Variants in CDH20 observed in about 807,000 individuals in gnomAD.
CDH20 encodes cadherin-20.
In CDH20, 29 loss-of-function variants were observed where a neutral mutation model predicts 74.2. The ratio of observed to expected loss-of-function variants is 0.39; its 90% CI spans 0.29 to 0.53. The LOEUF (loss-of-function observed/expected upper bound fraction) is 0.53, where lower values mean the gene tolerates loss of function less well. Among genes scored for constraint, CDH20 ranks in the 20% least tolerant of loss-of-function variants. CDH20 has a pLI of 0.69. For synonymous variants in CDH20, 469 were observed against 405.4 expected (o/e 1.16, Z -1.88); for missense variants, 988 against 1,048.3 (o/e 0.94, Z 0.79).
chr18:61,398,762 G>A (rs1188560580), intron 1 of CDH20, among the ~76,000 whole-genome samples: 1 of 152,108 alleles, frequency 6.6e-6, no homozygotes, highest in African/African-American at 2.4e-5. Context: ...AGGAATCAAT[G>A]GCATTGTCAG....
At chr18:61,449,793 T>A (rs1909320540) in intron 1 of CDH20, among the ~76,000 whole-genome samples, 1 of 151,862 alleles carries the variant, frequency 6.6e-6, no homozygotes, top group African/African-American at 2.4e-5. Context: ...CACACATACA[T>A]ATGCACACTG....
chr18:61,400,854 C>T (rs1351501475), intron 1 of CDH20, among the ~76,000 whole-genome samples: 3 of 152,082 alleles, frequency 2.0e-5, no homozygotes, highest in African/African-American at 4.8e-5. Flanking sequence ...CAATAGTATT[C>T]GATATAAACT....
chr18:61,555,461 C>T lies in CDH20; in HGVS notation c.*766C>T. ...TCAGAATGAAACCAGAAAAATCTGC[C>T]TCTTTTGCACTGTAGATGTCTCTTC... On this transcript the variant is annotated 3_prime_UTR_variant, in exon 12 of 12. Transcript: ENST00000262717. 5 of 985,366 alleles carry T rather than the reference C, an allele frequency of 5.1e-6. No individual in the cohort carries two copies. Among genetic ancestry groups the T allele is most frequent in the Non-Finnish European group, 6.0e-6 (5 of 829,910 alleles). The allele number at this position is 985,366 out of a possible 1,614,324, so 61.0% of individuals were successfully genotyped here.
In CDH20 at chr18:61,549,967, CCTT is replaced by C. The variant is rs1568187017; in HGVS notation, c.1649-7_1649-5del. 2 of 1,605,510 alleles carry C rather than the reference CCTT, an allele frequency of 1.2e-6. No individual in the cohort carries two copies. The highest frequency in any genetic ancestry group is 1.3e-5 in the African/African-American group (1 of 74,800). The stretch of plus-strand genomic sequence containing the variant: ...TCCCTTTTCCAATCCTGGAACCCCT[CCTT>C]CTTTCAGATAACACAGCACGGATTC... On this transcript the variant is annotated splice_polypyrimidine_tract_variant and splice_region_variant and intron_variant, in intron 10 of 11. Coordinates refer to ENST00000262717, the MANE Select transcript of CDH20 (RefSeq NM_031891.4).
intron 1 of CDH20, among the ~76,000 whole-genome samples, chr18:61,465,302 C>G (rs1909923045): frequency 6.6e-6 from 1 of 152,158 alleles, no homozygotes; most frequent in Non-Finnish European, 1.5e-5. Context: ...TCTATTAACT[C>G]TAGTCATTCT....
intron 1 of CDH20, among the ~76,000 whole-genome samples, chr18:61,381,243 T>C (rs562426376): frequency 1.4e-4 from 21 of 152,186 alleles, no homozygotes; most frequent in Non-Finnish European, 1.2e-4. Flanking sequence ...CTGAAACTTG[T>C]AATTATAAGT....
chr18:61,441,949 T>C (rs1169219130), intron 1 of CDH20, among the ~76,000 whole-genome samples: 2 of 152,128 alleles, frequency 1.3e-5, no homozygotes, highest in Non-Finnish European at 2.9e-5. Context: ...CAGTTGGCTT[T>C]AGATTGAGGA....
intron 1 of CDH20, among the ~76,000 whole-genome samples, chr18:61,410,674 T>C (rs903508800): frequency 6.6e-6 from 1 of 152,248 alleles, no homozygotes; most frequent in Non-Finnish European, 1.5e-5. Context: ...GGAAAATAAA[T>C]GGTTTAAAAA....
intron 9 of CDH20, among the ~76,000 whole-genome samples, chr18:61,542,452 G>A (rs751519749): frequency 6.6e-6 from 1 of 152,220 alleles, no homozygotes; most frequent in African/African-American, 2.4e-5. Flanking sequence ...AAGGAAGCAG[G>A]ACTGGGCAAA....
At chr18:61,389,095 C>G (rs1301867443) in intron 1 of CDH20, among the ~76,000 whole-genome samples, 1 of 152,150 alleles carries the variant, frequency 6.6e-6, no homozygotes, top group African/African-American at 2.4e-5. Flanking sequence ...CTCAAGGACA[C>G]TGCTGCAGGA....
chr18:61,444,268 G>A (rs928574575), intron 1 of CDH20, among the ~76,000 whole-genome samples: 2 of 152,032 alleles, frequency 1.3e-5, no homozygotes, highest in African/African-American at 4.8e-5. Context: ...CAGATGAATG[G>A]GTGATGTTAT....
chr18:61,470,580 G>A (rs186382624), intron 1 of CDH20, among the ~76,000 whole-genome samples: 401 of 151,642 alleles, frequency 2.6e-3, no homozygotes, highest in Non-Finnish European at 4.6e-3. Flanking sequence ...ACGCCTTAAC[G>A]GGAAAAAGAG....
rs9953217 is a variant in CDH20, at chr18:61,369,032, A to T, written c.-153+35205A>T. 9.1e-3 allele frequency among the ~76,000 whole-genome samples: 1,381 copies of T among 152,190 alleles called. 24 individuals carry two copies. The highest frequency in any genetic ancestry group is 0.032 in the African/African-American group (1,312 of 41,528). ...TCATAAGATACAGATAACTTGTAGG[A>T]CCTGGAAATGTTCTATAGAAACTGG... On this transcript the variant is annotated intron_variant, in intron 1 of 11. Coordinates refer to ENST00000262717, the MANE Select transcript of CDH20 (RefSeq NM_031891.4).
intron 1 of CDH20, among the ~76,000 whole-genome samples, chr18:61,429,913 A>T (rs556136949): frequency 6.6e-6 from 1 of 152,306 alleles, no homozygotes; most frequent in Admixed American, 6.5e-5. Flanking sequence ...TGAAAAGAGG[A>T]CTGTAAGCAT....
chr18:61,350,176 T>G (rs148643423), intron 1 of CDH20, among the ~76,000 whole-genome samples: 4 of 152,292 alleles, frequency 2.6e-5, no homozygotes, highest in Non-Finnish European at 5.9e-5. Flanking sequence ...GACACTGCAT[T>G]TCACATTGCT....
intron 1 of CDH20, among the ~76,000 whole-genome samples, chr18:61,335,565 C>A (rs1257280757): frequency 6.6e-6 from 1 of 152,204 alleles, no homozygotes; most frequent in Non-Finnish European, 1.5e-5. Flanking sequence ...GGCTGTGAAC[C>A]AAGCTCTCAG....
At chr18:61,468,336 G>A (rs527243807) in intron 1 of CDH20, among the ~76,000 whole-genome samples, 56 of 152,164 alleles carry the variant, frequency 3.7e-4, no homozygotes, top group African/African-American at 1.3e-3. Flanking sequence ...TTTCTTTATG[G>A]CCCCAAAAGA....
At chr18:61,437,094 G>T in intron 1 of CDH20, among the ~76,000 whole-genome samples, 1 of 152,118 alleles carries the variant, frequency 6.6e-6, no homozygotes, top group East Asian at 1.9e-4. Context: ...TCCTGCACTT[G>T]GTAATTGTTC....
At chr18:61,446,370 G>A (rs1284963006) in intron 1 of CDH20, among the ~76,000 whole-genome samples, 1 of 152,052 alleles carries the variant, frequency 6.6e-6, no homozygotes, top group Non-Finnish European at 1.5e-5. Flanking sequence ...TTCTTTAACT[G>A]TTTCCTGTTC....
Sources: gnomAD v4.1 joint callset for allele counts (sites outside exome capture counted in the v4.1 genomes callset) on GRCh38, gnomAD v4.1.1 for gene constraint, MANE v1.5 for transcripts, NCBI Gene and HGNC (gene_info 2026-07-23, HGNC 2026-07-21) for gene names.